Variants in PRR19 observed in about 807,000 individuals in gnomAD.
PRR19 encodes the protein proline-rich protein 19.
Under a neutral mutation model 19.2 loss-of-function variants are expected in PRR19, and 9 were observed. The observed-to-expected ratio is 0.47, with a 90% CI of 0.28 to 0.82. PRR19 has a LOEUF of 0.82. Among genes scored for constraint, PRR19 ranks in the 40% least tolerant of loss-of-function variants. The pLI is 0.11. For missense variants in PRR19, 457 were observed against 466.0 expected, an observed-to-expected ratio of 0.98 and a Z score of 0.18; for synonymous variants, 190 against 191.0, an observed-to-expected ratio of 0.99 and a Z score of 0.04.
Position 42,302,402 on chromosome 19 carries a change from C to G in PRR19, c.-108C>G. On this transcript the variant is annotated 5_prime_UTR_variant, in exon 1 of 3. Transcript: ENST00000341747. The stretch of plus-strand genomic sequence containing the variant: ...CTCCGCCACGCCCACTCCTACCCCT[C>G]GCGGCAACAAAGGACCGTCCCAACG... 6 of 1,193,868 alleles carry G rather than the reference C, an allele frequency of 5.0e-6. No homozygotes were observed. Among genetic ancestry groups the G allele is most frequent in the Non-Finnish European group, 7.0e-6 (6 of 854,618 alleles). The allele number at this position is 1,193,868 out of a possible 1,614,324, so 74.0% of individuals were successfully genotyped here.
In PRR19 at chr19:42,309,957, A is replaced by G; in HGVS notation, c.373A>G (p.Asn125Asp). ...AGCCCCACGGTCCAGGGACAAAGAG[A>G]ACCAGGTGCCTGGAGGTTCGGGCCC... Reference protein sequence around the residue: ...EPAPRSRDKENQVPGGSGPGP... With the variant: ...EPAPRSRDKEDQVPGGSGPGP... Residue 125 changes from asparagine to aspartate, a missense_variant, in exon 2 of 3, where the codon AAC becomes GAC. By Grantham distance (23) the Asn-to-Asp change is conservative. Coordinates refer to ENST00000341747, the MANE Select transcript of PRR19 (RefSeq NM_199285.3). 1 of 1,613,924 alleles carries G rather than the reference A, an allele frequency of 6.2e-7. No individual in the cohort carries two copies. The highest frequency in any genetic ancestry group is 8.5e-7 in the Non-Finnish European group (1 of 1,179,948).
chr19:42,310,559 C>G lies in PRR19; in HGVS notation c.890C>G (p.Pro297Arg). 1 of 1,614,176 alleles carries G rather than the reference C, an allele frequency of 6.2e-7. No homozygotes were observed. Among genetic ancestry groups the G allele is most frequent in the East Asian group, 2.2e-5 (1 of 44,882 alleles). Residue 297 changes from proline to arginine, a missense_variant, in exon 3 of 3, where the codon CCT (proline) becomes CGT (arginine). By Grantham distance (103) the Pro-to-Arg change is moderately radical (BLOSUM62 -2). Transcript: ENST00000341747. The stretch of plus-strand genomic sequence containing the variant: ...ATCTGGCTGGTAGCCACGCCACCCC[C>G]TCCTCGGCCCTGGGGGGTTGGCCTC... ...KSIWLVATPP[P>R]PRPWGVGLPQ...
chr19:42,302,184 A>G lies in PRR19; in HGVS notation c.-326A>G. 1 of 1,533,870 alleles carries G rather than the reference A, an allele frequency of 6.5e-7. No homozygotes were observed. The highest frequency in any genetic ancestry group is 8.8e-7 in the Non-Finnish European group (1 of 1,132,232). On this transcript the variant is annotated 5_prime_UTR_variant, in exon 1 of 3. Transcript: ENST00000341747. ...CACGAACCAGCCGTTCTCCTGAGCC[A>G]CCCCCCGCGCCCCCGGACTCCTCAA...
At chr19:42,305,039 C>A (rs2038693503) in intron 1 of PRR19, among the ~76,000 whole-genome samples, 1 of 151,132 alleles carries the variant, frequency 6.6e-6, no homozygotes, top group Admixed American at 6.6e-5. Flanking sequence ...AAAACCCCAT[C>A]TCTATTAAAA....
chr19:42,302,158 G>A lies in PRR19; in HGVS notation c.-352G>A. The A allele has an allele frequency of 6.7e-6, 10 of 1,495,784 alleles. No individual in the cohort carries two copies. Among genetic ancestry groups the A allele is most frequent in the Non-Finnish European group, 9.1e-6 (10 of 1,098,714 alleles). The allele number at this position is 1,495,784 out of a possible 1,614,324, so 92.7% of individuals were successfully genotyped here. On this transcript the variant is annotated 5_prime_UTR_variant, in exon 1 of 3. Transcript: ENST00000341747. ...GTTTCCCAATCAGGTAGTGAGAGTG[G>A]CACGAACCAGCCGTTCTCCTGAGCC...
chr19:42,302,757 A>C, intron 1 of PRR19: 1 of 156,326 alleles, frequency 6.4e-6, no homozygotes. Context: ...ATGGGAAGAA[A>C]CCATTTGCTG....
Position 42,302,195 on chromosome 19 carries a change from C to T in PRR19, c.-315C>T, listed in dbSNP as rs759295406. On this transcript the variant is annotated 5_prime_UTR_variant, in exon 1 of 3. Coordinates refer to ENST00000341747, the MANE Select transcript of PRR19 (RefSeq NM_199285.3). ...CGTTCTCCTGAGCCACCCCCCGCGCCCCCGGACTCCTCAATATCCCAGGTG... is the reference window on the plus strand; with the variant it reads ...CGTTCTCCTGAGCCACCCCCCGCGCTCCCGGACTCCTCAATATCCCAGGTG... The T allele has an allele frequency of 6.4e-7, 1 of 1,552,622 alleles. No individual in the cohort carries two copies. Among genetic ancestry groups the T allele is most frequent in the Non-Finnish European group, 8.7e-7 (1 of 1,145,746 alleles).
In PRR19 at chr19:42,310,028, G is replaced by T. The variant is rs1163627216; in HGVS notation, c.444G>T (p.Leu148=). 1 of 1,613,926 alleles carries T rather than the reference G, an allele frequency of 6.2e-7. No individual in the cohort carries two copies. The highest frequency in any genetic ancestry group is 8.5e-7 in the Non-Finnish European group (1 of 1,180,044). ...SPELSGVGQL[L]AELQCQLSLP... ...AGTTGTCTGGCGTGGGGCAGCTGCTGGCAGAGCTGCAGTGTCAGCTGAGTT... is the reference window on the plus strand; with the variant it reads ...AGTTGTCTGGCGTGGGGCAGCTGCTTGCAGAGCTGCAGTGTCAGCTGAGTT... The change falls in exon 2 of 3, where the codon CTG becomes CTT. Residue 148 remains leucine, a synonymous_variant. Coordinates refer to ENST00000341747, the MANE Select transcript of PRR19 (RefSeq NM_199285.3).
At position 42,310,807 on chromosome 19, in the gene PRR19, T is replaced by C; in HGVS notation, c.*67T>C. ...CCCAGTGACCTCAATAAAGTACTTT[T>C]CATGGTCCTCTTGATTTTCAGTGAG... On this transcript the variant is annotated 3_prime_UTR_variant, in exon 3 of 3. Transcript: ENST00000341747. The C allele has an allele frequency of 9.2e-7, 1 of 1,088,822 alleles. No individual in the cohort carries two copies. Among genetic ancestry groups the C allele is most frequent in the South Asian group, 1.8e-5 (1 of 56,782 alleles). 67.4% of individuals were successfully genotyped at this position (1,088,822 alleles called of 1,614,324 possible).
intron 1 of PRR19, among the ~76,000 whole-genome samples, chr19:42,303,781 T>C (rs199521545): frequency 6.6e-6 from 1 of 151,390 alleles, no homozygotes; most frequent in East Asian, 1.9e-4. Context: ...GACACAGAGG[T>C]GTAGGGGTGT....
chr19:42,303,581 A>G (rs1166009015), intron 1 of PRR19: 4 of 152,168 alleles, frequency 2.6e-5, no homozygotes, highest in Non-Finnish European at 5.9e-5. Flanking sequence ...CTTCCCATGT[A>G]TTCATTCCTT....
chr19:42,304,579 T>C (rs2038687501), intron 1 of PRR19, among the ~76,000 whole-genome samples: 1 of 147,652 alleles, frequency 6.8e-6, no homozygotes. Flanking sequence ...TGAAACCCCG[T>C]CTCTACTAAA....
chr19:42,304,451 T>TAA (rs765120547), intron 1 of PRR19, among the ~76,000 whole-genome samples: 10 of 82,126 alleles, frequency 1.2e-4, no homozygotes, highest in African/African-American at 2.8e-4. Context: ...AGACCCTGTC[T>TAA]AAAAAAAAAA....
intron 1 of PRR19, among the ~76,000 whole-genome samples, chr19:42,303,309 G>T (rs966217703): frequency 2.0e-5 from 3 of 152,104 alleles, no homozygotes; most frequent in Non-Finnish European, 4.4e-5. Flanking sequence ...GTCCAGTCTG[G>T]CGTCCCTCCG....
At chr19:42,304,749 C>CCAA (rs2038690190) in intron 1 of PRR19, among the ~76,000 whole-genome samples, 1 of 36,814 alleles carries the variant, frequency 2.7e-5, no homozygotes, top group Non-Finnish European at 5.5e-5. Context: ...GACGCCGTCT[C>CCAA]AAAAAAAAAA....
Position 42,309,803 on chromosome 19 carries a change from C to G in PRR19, c.219C>G (p.His73Gln). Reference protein sequence around the residue: ...VITQGRLSREHRGLFNHEVKS... With the variant: ...VITQGRLSREQRGLFNHEVKS... ...CCCAGGGCCGGCTGAGCCGGGAGCA[C>G]CGGGGTCTCTTCAACCACGAGGTGA... Residue 73 changes from histidine to glutamine, a missense_variant, in exon 2 of 3, where the codon CAC becomes CAG. His to Gln is a conservative substitution (Grantham distance 24). Transcript: ENST00000341747. 3.7e-6 allele frequency: 6 copies of G among 1,614,070 alleles called. No individual in the cohort carries two copies. The highest frequency in any genetic ancestry group is 5.1e-6 in the Non-Finnish European group (6 of 1,179,994).
At position 42,303,122 on chromosome 19, in the gene PRR19, A is replaced by G. The variant is rs922184060; in HGVS notation, c.-7+619A>G. On this transcript the variant is annotated intron_variant, in intron 1 of 2. Coordinates refer to ENST00000341747, the MANE Select transcript of PRR19 (RefSeq NM_199285.3). ...GTGTGTGTGTTGAAATCTAAAGTAC[A>G]TATCTTTGCATTCAAGACATCACAG... Among the ~76,000 whole-genome samples, 5 of 149,286 alleles carry G rather than the reference A, an allele frequency of 3.3e-5. No individual in the cohort carries two copies. In the East Asian group the frequency reaches 8.1e-4, roughly 24 times the overall value.
intron 1 of PRR19, among the ~76,000 whole-genome samples, chr19:42,306,749 A>G (rs1007166105): frequency 4.6e-5 from 7 of 152,184 alleles, no homozygotes; most frequent in Non-Finnish European, 8.8e-5. Context: ...ACCAATCAGC[A>G]TTCAGGAAGG....
At chr19:42,305,761 A>G (rs1452655462) in intron 1 of PRR19, among the ~76,000 whole-genome samples, 1 of 152,200 alleles carries the variant, frequency 6.6e-6, no homozygotes, top group Admixed American at 6.5e-5. Context: ...TACCAACCCA[A>G]TTTTACAGGT....
Sources: gnomAD v4.1 joint callset for allele counts (sites outside exome capture counted in the v4.1 genomes callset) on GRCh38, gnomAD v4.1.1 for gene constraint, MANE v1.5 for transcripts, NCBI Gene and HGNC (gene_info 2026-07-23, HGNC 2026-07-21) for gene names.